The following LHPP variants were observed in gnomAD, a reference collection of about 807,000 sequenced individuals.
LHPP encodes the protein hLHPP.
Under a neutral mutation model 30.3 loss-of-function variants are expected in LHPP, and 24 were observed. That is an observed-to-expected ratio of 0.79 (90% CI 0.57 to 1.11). The LOEUF (loss-of-function observed/expected upper bound fraction) is 1.11. Ranked by LOEUF, LHPP falls within the 50% of genes most tolerant of loss-of-function variation. The probability of loss-of-function intolerance (pLI) is 0.00; values close to 1 mark genes in which losing one functional copy is unlikely to be tolerated. For synonymous variants in LHPP, 150 were observed against 157.1 expected (o/e 0.95, Z 0.34); for missense variants, 356 against 367.2 (o/e 0.97, Z 0.25).
chr10:124,471,881 GC>G (rs892627554), intron 1 of LHPP, among the ~76,000 whole-genome samples: 1 of 149,694 alleles, frequency 6.7e-6, no homozygotes, highest in Non-Finnish European at 1.5e-5. Flanking sequence ...GAGTCCTCCT[GC>G]CTCAGCCTAC....
chr10:124,516,276 G>T (rs1466694507), intron 5 of LHPP, among the ~76,000 whole-genome samples: 3 of 152,256 alleles, frequency 2.0e-5, no homozygotes, highest in African/African-American at 7.2e-5. Flanking sequence ...CTCTGTGCTT[G>T]CATGGAGAGG....
Position 124,483,324 on chromosome 10 carries a change from C to T in LHPP, c.126-815C>T, listed in dbSNP as rs186293024. On this transcript the variant is annotated intron_variant, in intron 1 of 6. Transcript: ENST00000368842. ...AAGTATGGATCCAGAGTTAGTAAGG[C>T]GTGGACGTGTGCAGCTCACTTGCAA... is the stretch of plus-strand genomic sequence containing the variant. Among the ~76,000 whole-genome samples the T allele has an allele frequency of 1.1e-3, 169 of 152,238 alleles. 1 individual carries two copies. Among genetic ancestry groups the T allele is most frequent in the African/African-American group, 3.8e-3 (158 of 41,526 alleles).
intron 5 of LHPP, among the ~76,000 whole-genome samples, chr10:124,512,313 T>C (rs1013886264): frequency 4.6e-5 from 7 of 152,208 alleles, no homozygotes; most frequent in Admixed American, 1.3e-4. Flanking sequence ...CTCATGTTTC[T>C]GTTTCCTTTG....
In LHPP at chr10:124,534,482, G is replaced by A. The variant is rs188738583; in HGVS notation, c.716+17211G>A. On this transcript the variant is annotated intron_variant, in intron 6 of 6. Coordinates refer to ENST00000368842, the MANE Select transcript of LHPP (RefSeq NM_022126.4). ...GCCTGACCAGCCCTGGCCTAGGGCC[G>A]GGGAAAGGCCTGGGCTTTGGGGTCA... is the stretch of plus-strand genomic sequence containing the variant. 3.0e-3 allele frequency among the ~76,000 whole-genome samples: 459 copies of A among 152,348 alleles called. 4 individuals carry two copies. The highest frequency in any genetic ancestry group is 4.8e-3 in the Non-Finnish European group (329 of 68,030).
Position 124,541,031 on chromosome 10 carries a change from T to C in LHPP, c.716+23760T>C, listed in dbSNP as rs1016925445. Among the ~76,000 whole-genome samples the C allele has an allele frequency of 1.1e-4, 16 of 152,236 alleles. No individual in the cohort carries two copies. The highest frequency in any genetic ancestry group is 2.4e-4 in the Non-Finnish European group (16 of 68,044). On this transcript the variant is annotated intron_variant, in intron 6 of 6. Coordinates refer to ENST00000368842, the MANE Select transcript of LHPP (RefSeq NM_022126.4). This position sits in a 1 kb window ranked among gnomAD's most constrained non-coding sequence, Gnocchi z 4.2. ...TTAGAAATAATAATTCAAAAATCCA[T>C]TAAATTATTTAACAGCTTTTTTAAT...
chr10:124,593,919 T>C lies in LHPP; in HGVS notation c.717-19345T>C, dbSNP rs573276927. 9.2e-4 allele frequency among the ~76,000 whole-genome samples: 140 copies of C among 152,368 alleles called. No homozygotes were observed. The highest frequency in any genetic ancestry group is 7.2e-4 in the Non-Finnish European group (49 of 68,030). ...CCAGGGCTGTCCCTCCCACAGCTATTGAACACCAGGTCCTTGCTGCGTCTG... is the reference window on the plus strand; with the variant it reads ...CCAGGGCTGTCCCTCCCACAGCTATCGAACACCAGGTCCTTGCTGCGTCTG... On this transcript the variant is annotated intron_variant, in intron 6 of 6. Transcript: ENST00000368842. This position sits in a 1 kb window ranked among gnomAD's most constrained non-coding sequence, Gnocchi z 4.9.
chr10:124,588,590 GA>G (rs1425671846), intron 6 of LHPP, among the ~76,000 whole-genome samples: 1 of 152,134 alleles, frequency 6.6e-6, no homozygotes, highest in Non-Finnish European at 1.5e-5. Context: ...TTTTCATTTT[GA>G]AATCAATACA....
At chr10:124,525,933 C>A (rs1024798877) in intron 6 of LHPP, among the ~76,000 whole-genome samples, 2 of 152,142 alleles carry the variant, frequency 1.3e-5, no homozygotes, top group African/African-American at 4.8e-5. Flanking sequence ...GGGCTCTGAG[C>A]TGAGGAAGGG....
At chr10:124,544,913 G>A (rs941185326) in intron 6 of LHPP, among the ~76,000 whole-genome samples, 2 of 152,196 alleles carry the variant, frequency 1.3e-5, no homozygotes, top group Non-Finnish European at 2.9e-5. Context: ...GCATATGTGC[G>A]CAGGGCTGTG....
At position 124,462,047 on chromosome 10, in the gene LHPP, G is replaced by A. The variant is rs1054527339; in HGVS notation, c.125+60G>A. ...AGCTCTAAGCTCAGCCCGCTCCCTG[G>A]CTGCCGGCAGGGGGCGGGGCGGCAG... is the stretch of plus-strand genomic sequence containing the variant. On this transcript the variant is annotated intron_variant, in intron 1 of 6. Coordinates refer to ENST00000368842, the MANE Select transcript of LHPP (RefSeq NM_022126.4). The A allele has an allele frequency of 9.3e-6, 11 of 1,182,866 alleles. No homozygotes were observed. The African/African-American group carries it at 1.4e-4, about 16-fold the overall frequency. 73.3% of individuals were successfully genotyped at this position (1,182,866 alleles called of 1,614,324 possible). A position where few individuals can be genotyped will look rare whatever the true frequency, so the allele number is the denominator to read the frequency against.
At chr10:124,578,955 A>C (rs1461045633) in intron 6 of LHPP, among the ~76,000 whole-genome samples, 7 of 72,646 alleles carry the variant, frequency 9.6e-5, no homozygotes, top group African/African-American at 2.2e-4. Context: ...GGGGCAGGAT[A>C]GCACGGACGG....
intron 6 of LHPP, among the ~76,000 whole-genome samples, chr10:124,570,655 C>A (rs1294536119): frequency 6.6e-6 from 1 of 152,218 alleles, no homozygotes; most frequent in East Asian, 1.9e-4. Flanking sequence ...CTAGCAGCCT[C>A]CAGCCTCTTT....
intron 6 of LHPP, among the ~76,000 whole-genome samples, chr10:124,612,021 A>C (rs1487734715): frequency 6.6e-6 from 1 of 152,196 alleles, no homozygotes; most frequent in East Asian, 1.9e-4. Flanking sequence ...TGTGGGTGCA[A>C]GGCTGTGGGG....
intron 5 of LHPP, chr10:124,498,611 A>G: frequency 5.5e-6 from 4 of 722,612 alleles, no homozygotes. Context: ...ACCTACCCCA[A>G]CCCTAAGTGA....
intron 6 of LHPP, among the ~76,000 whole-genome samples, chr10:124,533,616 G>A (rs757351102): frequency 6.6e-6 from 1 of 152,230 alleles, no homozygotes; most frequent in Non-Finnish European, 1.5e-5. Context: ...GGAGGAGATG[G>A]CTCTTCCCTG....
intron 6 of LHPP, among the ~76,000 whole-genome samples, chr10:124,603,282 C>A (rs1363034895): frequency 6.6e-6 from 1 of 152,210 alleles, no homozygotes; most frequent in Admixed American, 6.5e-5. Context: ...CATCCACACA[C>A]ACATTCCATG....
intron 6 of LHPP, among the ~76,000 whole-genome samples, chr10:124,558,479 C>T (rs191129608): frequency 3.9e-5 from 6 of 152,356 alleles, no homozygotes; most frequent in African/African-American, 9.6e-5. Context: ...GCTCTGTCCC[C>T]GCTTGGCGTT....
intron 6 of LHPP, among the ~76,000 whole-genome samples, chr10:124,571,602 G>A (rs1948584978): frequency 6.6e-6 from 1 of 152,230 alleles, no homozygotes; most frequent in Admixed American, 6.5e-5. Context: ...TGTTTCAGAT[G>A]GAAAGGTTAA....
chr10:124,533,643 C>T (rs1222779727), intron 6 of LHPP, among the ~76,000 whole-genome samples: 4 of 152,228 alleles, frequency 2.6e-5, no homozygotes, highest in Non-Finnish European at 5.9e-5. Context: ...TCCTCCCTTA[C>T]CCCCGTGTGA....
Sources: gnomAD v4.1 joint callset for allele counts (sites outside exome capture counted in the v4.1 genomes callset) on GRCh38, gnomAD v4.1.1 for gene constraint, Gnocchi (gnomAD v3.1) non-coding constraint, MANE v1.5 for transcripts, NCBI Gene and HGNC (gene_info 2026-07-23, HGNC 2026-07-21) for gene names.